The following INPP5F variants were observed in gnomAD, a reference collection of about 807,000 sequenced individuals.
INPP5F encodes inositol polyphosphate-5-phosphatase F, also known as phosphatidylinositide 4-phosphatase SAC2.
INPP5F carries 97 observed loss-of-function variants against 137.2 expected under a neutral mutation model. The observed-to-expected ratio is 0.71, with a 90% CI of 0.60 to 0.84. The LOEUF (loss-of-function observed/expected upper bound fraction) is 0.84, where lower values mean the gene tolerates loss of function less well. Among genes scored for constraint, INPP5F ranks in the 40% least tolerant of loss-of-function variants. The pLI, the probability that INPP5F is intolerant of heterozygous loss-of-function variation, is 0.00. For synonymous variants in INPP5F, 504 were observed against 476.9 expected, an observed-to-expected ratio of 1.06 and a Z score of -0.74; for missense variants, 1,271 against 1,371.9, an observed-to-expected ratio of 0.93 and a Z score of 1.16.
intron 19 of INPP5F, 121 bp from the exon 20 acceptor site, chr10:119,826,510 C>A (rs1285414792): frequency 2.7e-6 from 2 of 741,600 alleles, no homozygotes; most frequent in Non-Finnish European, 4.5e-6. Flanking sequence ...TGTCAGTTAG[C>A]AATGCACTGT....
At chr10:119,823,476 CAT>C (rs1333751902) in intron 18 of INPP5F, among the ~76,000 whole-genome samples, 1 of 152,216 alleles carries the variant, frequency 6.6e-6, no homozygotes, top group Non-Finnish European at 1.5e-5. Flanking sequence ...AGGCTCTTCA[CAT>C]GTCATGTTCT....
At chr10:119,802,492 TCAAAA>T (rs2134236093) in intron 9 of INPP5F, among the ~76,000 whole-genome samples, 1 of 152,320 alleles carries the variant, frequency 6.6e-6, no homozygotes, top group African/African-American at 2.4e-5. Context: ...AAAACTCAAG[TCAAAA>T]CAAAACTATG....
At chr10:119,820,362 C>T (rs1851506420) in intron 15 of INPP5F, among the ~76,000 whole-genome samples, 1 of 152,132 alleles carries the variant, frequency 6.6e-6, no homozygotes, top group South Asian at 2.1e-4. Context: ...TCCATTTTTG[C>T]ACATAAATAC....
At chr10:119,814,114 G>A (rs931047907) in intron 15 of INPP5F, among the ~76,000 whole-genome samples, 57 of 152,180 alleles carry the variant, frequency 3.7e-4, no homozygotes, top group African/African-American at 1.3e-3. Context: ...TCCTAGGGCC[G>A]GGCACGGTGG....
At chr10:119,786,092 T>TG (rs778832364) in intron 3 of INPP5F, among the ~76,000 whole-genome samples, 10 of 152,240 alleles carry the variant, frequency 6.6e-5, no homozygotes, top group Non-Finnish European at 1.3e-4. Context: ...TTCAGATGGA[T>TG]GTAGGTACCA....
intron 3 of INPP5F, among the ~76,000 whole-genome samples, chr10:119,786,147 C>T (rs1209974381): frequency 6.6e-6 from 1 of 152,194 alleles, no homozygotes; most frequent in African/African-American, 2.4e-5. Context: ...TAAATGGCAG[C>T]AGCAACATCA....
intron 2 of INPP5F, among the ~76,000 whole-genome samples, chr10:119,763,133 G>A (rs1283407985): frequency 6.6e-6 from 1 of 152,184 alleles, no homozygotes; most frequent in African/African-American, 2.4e-5. Flanking sequence ...GAAGAAAGAG[G>A]CAGTGGAGCC....
In INPP5F at chr10:119,791,603, T is replaced by A; in HGVS notation, c.402T>A (p.Phe134Leu). Residue 134 changes from phenylalanine (F) to leucine (L), a missense_variant, in exon 4 of 20, where the codon TTT (phenylalanine) becomes TTA (leucine). This residue lies in a region of INPP5F where 62 missense variants were observed against 55.0 expected (regional missense o/e 1.13). Transcript: ENST00000650623. ...ACTCAAAGTTTCTACTGAAGACCTT[T>A]ACGCATATTAAATCCAATGTGTCTG... ...PDDSKFLLKT[F>L]THIKSNVSAP... 1.2e-6 allele frequency: 2 copies of A among 1,605,728 alleles called. No homozygotes were observed. Among genetic ancestry groups the A allele is most frequent in the East Asian group, 4.5e-5 (2 of 44,786 alleles).
At chr10:119,824,453 A>G (rs12785053) in intron 19 of INPP5F, among the ~76,000 whole-genome samples, 25,516 of 152,116 alleles carry the variant, frequency 0.17, 2,307 homozygotes, top group South Asian at 0.44. Context: ...TGATGAAGCT[A>G]AGGTTATGCA....
rs200208508 is a variant in INPP5F, at chr10:119,804,229, C to T, written c.1173C>T (p.Tyr391=). ...AGREKIIGDA[Y]LKQVLLFNNS... ...GAGAGAAGATTATTGGCGATGCTTA[C>T]CTGAAGCAAGTGTTGCTTTTCAACA... Residue 391 remains tyrosine (Y), a synonymous_variant, in exon 10 of 20, where the codon TAC becomes TAT. Transcript: ENST00000650623. The T allele has an allele frequency of 5.6e-6, 9 of 1,611,574 alleles. No individual in the cohort carries two copies. The highest frequency in any genetic ancestry group is 7.6e-6 in the Non-Finnish European group (9 of 1,178,160).
At chr10:119,805,328 T>A in intron 10 of INPP5F, 56 bp from the exon 11 acceptor site, 2 of 1,406,484 alleles carry the variant, frequency 1.4e-6, no homozygotes, top group Non-Finnish European at 2.0e-6. Flanking sequence ...TCTTAAGTTT[T>A]AAAAAAATCT....
chr10:119,827,922 G>A lies in INPP5F; in HGVS notation c.*142G>A. ...AGGGTTTTAAACGGAGTCGGAACCT[G>A]AGTAGATTTCCAAATTTTACAGCCA... On this transcript the variant is annotated 3_prime_UTR_variant, in exon 20 of 20. Transcript: ENST00000650623. 1.5e-6 allele frequency: 1 copy of A among 677,020 alleles called. No individual in the cohort carries two copies. The highest frequency in any genetic ancestry group is 2.4e-6 in the Non-Finnish European group (1 of 410,472). The allele number at this position is 677,020 out of a possible 1,614,324, so 41.9% of individuals were successfully genotyped here. A position where few individuals can be genotyped will look rare whatever the true frequency, so the allele number is the denominator to read the frequency against.
At chr10:119,767,124 A>AAAAAAAAAAAAAAAAAC (rs1849195585) in intron 2 of INPP5F, among the ~76,000 whole-genome samples, 1 of 149,380 alleles carries the variant, frequency 6.7e-6, no homozygotes, top group African/African-American at 2.5e-5. Flanking sequence ...AAAAAAAAAA[A>AAAAAAAAAAAAAAAAAC]AAAAAAAAAC....
chr10:119,777,153 C>A lies in INPP5F; in HGVS notation c.179-4482C>A, dbSNP rs116033243. On this transcript the variant is annotated intron_variant, in intron 2 of 19. Transcript: ENST00000650623. ...TGAGTGATCCTCCCTTCTCAGCCCC[C>A]CAAAGTGCTGGGATTACAGGGATGA... Among the ~76,000 whole-genome samples, 5 of 152,254 alleles carry A rather than the reference C, an allele frequency of 3.3e-5. No homozygotes were observed. In the South Asian group the frequency reaches 8.3e-4, roughly 25 times the overall value.
intron 6 of INPP5F, among the ~76,000 whole-genome samples, chr10:119,794,610 C>T (rs1190858086): frequency 1.3e-5 from 2 of 151,508 alleles, no homozygotes; most frequent in Admixed American, 6.5e-5. Context: ...GCAAAGGCGC[C>T]CCTCACCTCC....
intron 1 of INPP5F, 73 bp from the exon 2 acceptor site, chr10:119,751,003 C>A: frequency 1.0e-6 from 1 of 960,430 alleles, no homozygotes; most frequent in Non-Finnish European, 1.7e-6. Flanking sequence ...TTTTTCAATA[C>A]ACTGCTAAAG....
At chr10:119,744,500 AT>A (rs35164723) in intron 1 of INPP5F, among the ~76,000 whole-genome samples, 139,679 of 151,854 alleles carry the variant, frequency 0.92, 64,330 homozygotes, top group South Asian at 0.97. Flanking sequence ...TACCTGTAGC[AT>A]TTTTTTTTGT....
chr10:119,740,385 A>C (rs916087572), intron 1 of INPP5F, among the ~76,000 whole-genome samples: 3 of 152,230 alleles, frequency 2.0e-5, no homozygotes, highest in Non-Finnish European at 4.4e-5. Flanking sequence ...CTGCAGGTCA[A>C]TGTTTCCCAT....
intron 9 of INPP5F, among the ~76,000 whole-genome samples, chr10:119,802,804 T>A (rs1056988223): frequency 7.2e-5 from 11 of 152,068 alleles, no homozygotes; most frequent in South Asian, 2.1e-4. Context: ...CCAGGTTTTT[T>A]AAAAAAAATT....
Sources: allele counts gnomAD v4.1 joint callset (sites outside exome capture counted in the v4.1 genomes callset), GRCh38; gene constraint gnomAD v4.1.1; regional missense constraint gnomAD v4.1.1; transcripts MANE v1.5; gene names NCBI Gene and HGNC (gene_info 2026-07-23, HGNC 2026-07-21).